Variants in CACNB4 observed in about 807,000 individuals in gnomAD.
CACNB4 encodes voltage-dependent L-type calcium channel subunit beta-4.
A neutral mutation model predicts 71.2 loss-of-function variants in CACNB4; 32 were observed. That is an observed-to-expected ratio of 0.45 (90% confidence interval 0.34 to 0.60). The LOEUF (loss-of-function observed/expected upper bound fraction) is 0.60. CACNB4 is among the 20% of genes least tolerant of loss of function. CACNB4 has a pLI of 0.01. For missense variants in CACNB4, 464 were observed against 647.9 expected (o/e 0.72, Z 3.08); for synonymous variants, 231 against 236.9 (o/e 0.97, Z 0.23).
At position 151,840,558 on chromosome 2, in the gene CACNB4, GC is replaced by G. The variant is rs540022902; in HGVS notation, c.1303-1180del. Among the ~76,000 whole-genome samples, 265 of 152,304 alleles carry G rather than the reference GC, an allele frequency of 1.7e-3. 3 individuals are homozygous for G. The highest frequency in any genetic ancestry group is 3.4e-3 in the Middle Eastern group (1 of 294). Reference sequence around the variant, plus strand: ...TCAATAGTAATGTACACTCAGATCAGCCCATGGGAAGTGAAACAAGGCATGA... The same window carrying G: ...TCAATAGTAATGTACACTCAGATCAGCCATGGGAAGTGAAACAAGGCATGA... On this transcript the variant is annotated intron_variant, in intron 13 of 13. Coordinates refer to ENST00000539935, the MANE Select transcript of CACNB4 (RefSeq NM_000726.5).
At chr2:152,081,461 G>T (rs1687349349) in intron 2 of CACNB4, among the ~76,000 whole-genome samples, 1 of 151,928 alleles carries the variant, frequency 6.6e-6, no homozygotes. Context: ...AGTTCAGCCT[G>T]GGTAACACAG....
chr2:151,985,090 T>C (rs1681265519), intron 2 of CACNB4, among the ~76,000 whole-genome samples: 1 of 152,308 alleles, frequency 6.6e-6, no homozygotes, highest in East Asian at 1.9e-4. Context: ...AAGTAAAATA[T>C]GTTTTTTAAA....
At chr2:151,876,616 T>G (rs80317555) in intron 4 of CACNB4, 60 bp from the exon 5 acceptor site, 2 of 1,007,226 alleles carry the variant, frequency 2.0e-6, no homozygotes, top group African/African-American at 2.1e-5. Flanking sequence ...CGTTGTTTAT[T>G]AATCTTAGGG....
chr2:151,951,522 G>A (rs1186431066), intron 2 of CACNB4, among the ~76,000 whole-genome samples: 1 of 152,184 alleles, frequency 6.6e-6, no homozygotes, highest in Non-Finnish European at 1.5e-5. Flanking sequence ...GTTTCGGTGT[G>A]CTCCTTTGAG....
chr2:151,983,983 C>T (rs1681182113), intron 2 of CACNB4, among the ~76,000 whole-genome samples: 1 of 152,108 alleles, frequency 6.6e-6, no homozygotes, highest in African/African-American at 2.4e-5. Context: ...TTTTCAAAAA[C>T]ATTAGTTTTA....
At chr2:152,048,302 G>T (rs1685240652) in intron 2 of CACNB4, among the ~76,000 whole-genome samples, 2 of 152,170 alleles carry the variant, frequency 1.3e-5, no homozygotes, top group African/African-American at 2.4e-5. Context: ...GTTAAAGTGA[G>T]ATTCCACCCT....
At chr2:151,971,281 C>A in intron 2 of CACNB4, 2 of 576,960 alleles carry the variant, frequency 3.5e-6, no homozygotes, top group Admixed American at 3.0e-5. Flanking sequence ...TTATTACAAG[C>A]TTACTGTGTG....
intron 2 of CACNB4, among the ~76,000 whole-genome samples, chr2:151,964,069 GAAAAA>G (rs397825547): frequency 6.0e-5 from 6 of 99,266 alleles, no homozygotes; most frequent in South Asian, 3.9e-4. Context: ...CTGTCTCACA[GAAAAA>G]AAAAAAAAAA....
At chr2:151,909,097 TA>T (rs1234498206) in intron 2 of CACNB4, among the ~76,000 whole-genome samples, 1 of 147,528 alleles carries the variant, frequency 6.8e-6, no homozygotes, top group East Asian at 1.9e-4. Flanking sequence ...AATATATTTA[TA>T]AATATATATA....
intron 2 of CACNB4, among the ~76,000 whole-genome samples, chr2:152,039,429 A>AG (rs1684765144): frequency 6.6e-6 from 1 of 151,514 alleles, no homozygotes; most frequent in African/African-American, 2.4e-5. Context: ...AAAAAAAAAA[A>AG]GAATCTTACT....
intron 2 of CACNB4, among the ~76,000 whole-genome samples, chr2:152,069,356 G>A (rs1332969055): frequency 6.6e-6 from 1 of 152,074 alleles, no homozygotes; most frequent in African/African-American, 2.4e-5. Flanking sequence ...GGGCAGGGGA[G>A]GAGTATTTTT....
At position 151,845,943 on chromosome 2, in the gene CACNB4, C is replaced by T. The variant is rs560847133; in HGVS notation, c.1117-3855G>A. The stretch of plus-strand genomic sequence containing the variant: ...TTAAAAAGAAAAGCATTGTAAATAA[C>T]GAAGAGTGAAAAACATGCCTCTAGC... On this transcript the variant is annotated intron_variant, in intron 12 of 13. Transcript: ENST00000539935. 5.5e-4 allele frequency among the ~76,000 whole-genome samples: 83 copies of T among 151,990 alleles called. 1 individual carries two copies. The highest frequency in any genetic ancestry group is 1.8e-3 in the African/African-American group (73 of 41,420).
intron 3 of CACNB4, 58 bp downstream of exon 3, chr2:151,883,193 G>T: frequency 1.1e-5 from 17 of 1,570,908 alleles, no homozygotes; most frequent in Non-Finnish European, 1.4e-5. Context: ...GGGAAGAGCA[G>T]CTGGTAGCCA....
At chr2:151,969,786 T>C (rs959828548) in intron 2 of CACNB4, 4 of 152,254 alleles carry the variant, frequency 2.6e-5, no homozygotes, top group African/African-American at 9.6e-5. Context: ...CTTTTATATA[T>C]ACACTCAGAT....
chr2:151,962,274 A>G (rs76454078), intron 2 of CACNB4, among the ~76,000 whole-genome samples: 4,403 of 152,304 alleles, frequency 0.029, 65 homozygotes, highest in African/African-American at 0.039. Flanking sequence ...CTTTCTGGGA[A>G]TGCACTTACT....
At position 151,856,058 on chromosome 2, in the gene CACNB4, A is replaced by G. The variant is rs921121638; in HGVS notation, c.869-683T>C. 1.2e-4 allele frequency among the ~76,000 whole-genome samples: 18 copies of G among 151,834 alleles called. No homozygotes were observed. In the East Asian group the frequency reaches 3.3e-3, roughly 28 times the overall value. On this transcript the variant is annotated intron_variant, in intron 10 of 13. Transcript: ENST00000539935. Reference sequence around the variant, plus strand: ...CTGCAATGCATCTAGATGCAAATCTATCTGGCTGGCTGTAATAGCCAAGTG... The same window carrying G: ...CTGCAATGCATCTAGATGCAAATCTGTCTGGCTGGCTGTAATAGCCAAGTG...
chr2:152,021,990 T>C (rs1560139068), intron 2 of CACNB4, among the ~76,000 whole-genome samples: 1 of 152,194 alleles, frequency 6.6e-6, no homozygotes, highest in Non-Finnish European at 1.5e-5. Flanking sequence ...TCTTTAAACA[T>C]GTCATTTTGA....
intron 2 of CACNB4, among the ~76,000 whole-genome samples, chr2:151,979,039 A>C (rs1245791994): frequency 6.6e-6 from 1 of 151,760 alleles, no homozygotes; most frequent in Non-Finnish European, 1.5e-5. Flanking sequence ...TGGCCTCCTC[A>C]ATTGTCTGGA....
intron 2 of CACNB4, among the ~76,000 whole-genome samples, chr2:151,962,215 G>A (rs964608834): frequency 1.1e-4 from 16 of 152,210 alleles, no homozygotes; most frequent in Admixed American, 9.8e-4. Context: ...CCTTCTCAAG[G>A]TAGCTTTCTG....
Sources: allele counts gnomAD v4.1 joint callset (sites outside exome capture counted in the v4.1 genomes callset), GRCh38; gene constraint gnomAD v4.1.1; transcripts MANE v1.5; gene names NCBI Gene and HGNC (gene_info 2026-07-23, HGNC 2026-07-21).